PCGF3: variants seen among roughly 807,000 people sequenced by gnomAD.
PCGF3 encodes the protein polycomb group ring finger 3.
PCGF3 carries 7 observed loss-of-function variants against 33.1 expected under a neutral mutation model. That is an observed-to-expected ratio of 0.21 (90% CI 0.12 to 0.40). The LOEUF (loss-of-function observed/expected upper bound fraction) is 0.40, where lower values mean the gene tolerates loss of function less well. Among genes scored for constraint, PCGF3 ranks in the 10% least tolerant of loss-of-function variants. The probability of loss-of-function intolerance (pLI) is 1.00; values close to 1 mark genes in which losing one functional copy is unlikely to be tolerated. For synonymous variants in PCGF3, 153 were observed against 121.3 expected, an observed-to-expected ratio of 1.26 and a Z score of -1.72; for missense variants, 211 against 313.3, an observed-to-expected ratio of 0.67 and a Z score of 2.46.
chr4:752,956 C>G (rs1218109174), intron 8 of PCGF3, among the ~76,000 whole-genome samples: 1 of 152,262 alleles, frequency 6.6e-6, no homozygotes, highest in African/African-American at 2.4e-5. Flanking sequence ...ACTCTTCTCT[C>G]ACTTCAGTAG....
chr4:723,678 C>T (rs960812864), intron 1 of PCGF3: 3 of 153,686 alleles, frequency 2.0e-5, no homozygotes, highest in Non-Finnish European at 4.3e-5. Context: ...ACCCTCAAGA[C>T]GCAGGAGCGG....
intron 1 of PCGF3, among the ~76,000 whole-genome samples, chr4:730,428 G>C (rs1447319241): frequency 6.6e-6 from 1 of 152,184 alleles, no homozygotes; most frequent in Admixed American, 6.5e-5. Context: ...CCTTGGGCCT[G>C]GGCTCAGAGA....
chr4:734,900 C>T, intron 4 of PCGF3, 31 bp from the exon 5 acceptor site: 8 of 1,607,500 alleles, frequency 5.0e-6, no homozygotes, highest in Non-Finnish European at 6.8e-6. Flanking sequence ...GCTCTAGACG[C>T]TCTCCTAACA....
At chr4:767,829 G>A (rs944953709) in exon 11 of PCGF3, 1 of 152,606 alleles carries the variant, frequency 6.6e-6, no homozygotes, top group Admixed American at 6.5e-5. Context: ...GGGTCTATGA[G>A]TAGCTGTGTA....
chr4:715,472 G>A (rs1742781112), intron 1 of PCGF3, among the ~76,000 whole-genome samples: 1 of 147,914 alleles, frequency 6.8e-6, no homozygotes, highest in Non-Finnish European at 1.5e-5. Flanking sequence ...TGAGAACTGG[G>A]CGTCTGTGCT....
intron 6 of PCGF3, among the ~76,000 whole-genome samples, chr4:739,817 A>G (rs1744008206): frequency 6.6e-6 from 1 of 152,196 alleles, no homozygotes; most frequent in South Asian, 2.1e-4. Flanking sequence ...GGACGCTGCC[A>G]ACTCCACTCT....
intron 9 of PCGF3, among the ~76,000 whole-genome samples, chr4:763,669 G>A (rs537448647): frequency 2.0e-5 from 3 of 152,252 alleles, no homozygotes; most frequent in South Asian, 2.1e-4. Flanking sequence ...CTGACAACAC[G>A]AAACACACTC....
chr4:744,563 G>A (rs1744231388), intron 7 of PCGF3, 37 bp from the exon 8 acceptor site: 2 of 1,459,344 alleles, frequency 1.4e-6, no homozygotes, highest in African/African-American at 1.4e-5. Context: ...TGACAGTTTG[G>A]ATTTCATGGT....
At chr4:710,231 G>C (rs927943219) in intron 1 of PCGF3, among the ~76,000 whole-genome samples, 6 of 152,214 alleles carry the variant, frequency 3.9e-5, no homozygotes, top group African/African-American at 1.4e-4. Context: ...TCTGAAGGCT[G>C]GACTGGGGAG....
chr4:711,178 T>C (rs984841185), intron 1 of PCGF3, among the ~76,000 whole-genome samples: 38 of 152,220 alleles, frequency 2.5e-4, no homozygotes, highest in African/African-American at 9.2e-4. Context: ...GGGCCTGTTC[T>C]GGACTCTGGA....
chr4:731,243 C>CGAGT (rs1028150788), intron 3 of PCGF3, 133 bp downstream of exon 3: 64 of 398,340 alleles, frequency 1.6e-4, no homozygotes, highest in East Asian at 4.3e-4. Flanking sequence ...GGTTCACTGC[C>CGAGT]GAGTTTTCCT....
In PCGF3 at chr4:720,101, G is replaced by T. The variant is rs1387402762; in HGVS notation, c.-189-10529G>T. Among the ~76,000 whole-genome samples, 1 of 152,186 alleles carries T rather than the reference G, an allele frequency of 6.6e-6. No homozygotes were observed. The highest frequency in any genetic ancestry group is 1.5e-5 in the Non-Finnish European group (1 of 68,024). On this transcript the variant is annotated intron_variant, in intron 1 of 10. Transcript: ENST00000362003. The surrounding 1 kb of genome is among the most constrained non-coding windows in gnomAD (Gnocchi z 5.6). ...TGAAGGCAGGGGTGCCTCTGGCATCGACTGGATGGCCTTTCCCTCCTGAGT... is the reference window on the plus strand; with the variant it reads ...TGAAGGCAGGGGTGCCTCTGGCATCTACTGGATGGCCTTTCCCTCCTGAGT...
At chr4:743,861 G>C (rs1380432082) in intron 7 of PCGF3, 3 of 326,744 alleles carry the variant, frequency 9.2e-6, no homozygotes, top group South Asian at 1.1e-4. Context: ...CCTGTGGAAA[G>C]AGTAGTGGAA....
chr4:756,637 T>A (rs1744781086), intron 8 of PCGF3, among the ~76,000 whole-genome samples: 1 of 152,196 alleles, frequency 6.6e-6, no homozygotes, highest in South Asian at 2.1e-4. Flanking sequence ...TACATGCACA[T>A]AAAATATGCC....
At position 720,428 on chromosome 4, in the gene PCGF3, T is replaced by C. The variant is rs987661406; in HGVS notation, c.-189-10202T>C. ...TGGTTTCAGCTCCGGGAGGTGGGGC[T>C]GCCCGTCCAGAGAGGTGCAGGGTCT... On this transcript the variant is annotated intron_variant, in intron 1 of 10. Coordinates refer to ENST00000362003, the Ensembl canonical transcript of PCGF3. The surrounding 1 kb of genome is among the most constrained non-coding windows in gnomAD (Gnocchi z 5.6). Among the ~76,000 whole-genome samples, 1 of 152,130 alleles carries C rather than the reference T, an allele frequency of 6.6e-6. No homozygotes were observed. The highest frequency in any genetic ancestry group is 2.4e-5 in the African/African-American group (1 of 41,440).
exon 11 of PCGF3, chr4:767,854 C>T (rs1052161991): frequency 6.5e-5 from 10 of 152,730 alleles, no homozygotes; most frequent in South Asian, 4.1e-4. Flanking sequence ...TAAATATTAC[C>T]TGTCTACCTC....
chr4:724,319 A>G (rs1387576615), intron 1 of PCGF3, among the ~76,000 whole-genome samples: 1 of 152,212 alleles, frequency 6.6e-6, no homozygotes, highest in Non-Finnish European at 1.5e-5. Flanking sequence ...CGGCCATGCC[A>G]GCCAGGTCAG....
rs372786291 is a variant in PCGF3, at chr4:754,119, C to T, written c.463-7160C>T. 4.6e-4 allele frequency among the ~76,000 whole-genome samples: 70 copies of T among 152,234 alleles called. No homozygotes were observed. In the South Asian group the frequency reaches 5.2e-3, roughly 11 times the overall value. On this transcript the variant is annotated intron_variant, in intron 8 of 10. Transcript: ENST00000362003. ...TCGTGCAGAGTTAGGAAACCCTTACCGGGCCTGTTGACTTGGTGGGTGTGA... is the reference window on the plus strand; with the variant it reads ...TCGTGCAGAGTTAGGAAACCCTTACTGGGCCTGTTGACTTGGTGGGTGTGA...
intron 1 of PCGF3, among the ~76,000 whole-genome samples, chr4:728,059 T>C (rs1472956665): frequency 6.6e-6 from 1 of 152,212 alleles, no homozygotes; most frequent in Non-Finnish European, 1.5e-5. Flanking sequence ...ATTACTGTTC[T>C]AGGAACTTAG....
Sources: gnomAD v4.1 joint callset for allele counts (sites outside exome capture counted in the v4.1 genomes callset) on GRCh38, gnomAD v4.1.1 for gene constraint, Gnocchi (gnomAD v3.1) non-coding constraint, MANE v1.5 for transcripts, NCBI Gene and HGNC (gene_info 2026-07-23, HGNC 2026-07-21) for gene names.